Variants in RIOK2 observed in about 807,000 individuals in gnomAD.
The protein encoded by RIOK2 is serine/threonine-protein kinase RIO2.
RIOK2 carries 46 observed loss-of-function variants against 62.4 expected under a neutral mutation model. The observed-to-expected ratio is 0.74, with a 90% CI of 0.58 to 0.94. RIOK2 has a LOEUF of 0.94. Ranked by LOEUF, RIOK2 falls within the 40% of genes least tolerant of loss-of-function variation. RIOK2 has a pLI of 0.00. For synonymous variants in RIOK2, 197 were observed against 216.0 expected, an observed-to-expected ratio of 0.91 and a Z score of 0.77; for missense variants, 574 against 658.0, an observed-to-expected ratio of 0.87 and a Z score of 1.40.
intron 1 of RIOK2, 51 bp from the exon 2 acceptor site, chr5:97,179,244 T>G (rs900496480): frequency 2.6e-6 from 4 of 1,566,822 alleles, no homozygotes; most frequent in Non-Finnish European, 3.5e-6. Flanking sequence ...AAGCCTTGTC[T>G]ATCAAAACCC....
In RIOK2 at chr5:97,177,383, A is replaced by C. The variant is rs1211442905; in HGVS notation, c.323-92T>G. ...CTTTCTCTAATTTTATTTGTATCAA[A>C]AATGTCATTTTTCCTAATAAAGATT... On this transcript the variant is annotated intron_variant, in intron 3 of 9. Transcript: ENST00000283109. 6.6e-6 allele frequency: 8 copies of C among 1,210,542 alleles called. 1 individual carries two copies. The Admixed American group carries it at 2.2e-4, about 33-fold the overall frequency. 75.0% of individuals were successfully genotyped at this position (1,210,542 alleles called of 1,614,324 possible).
In RIOK2 at chr5:97,163,092, C is replaced by T. The variant is rs371897843; in HGVS notation, c.1628G>A (p.Ser543Asn). 11 of 1,612,816 alleles carry T rather than the reference C, an allele frequency of 6.8e-6. No individual in the cohort carries two copies. Among genetic ancestry groups the T allele is most frequent in the Non-Finnish European group, 9.3e-6 (11 of 1,179,546 alleles). ...RRENMQNIKSSLEAASFWGE is the reference protein window; with the variant it reads ...RRENMQNIKSNLEAASFWGE ...TCCCCAAAAGCTGGCTGCTTCCAAA[C>T]TTGATTTGATATTTTGCATGTTTTC... Residue 543 changes from serine to asparagine, a missense_variant, in exon 10 of 10, where the codon AGT (serine) becomes AAT (asparagine). Transcript: ENST00000283109.
Position 97,165,033 on chromosome 5 carries a change from T to C in RIOK2, c.1494+18A>G, listed in dbSNP as rs907769954. The C allele has an allele frequency of 1.3e-6, 2 of 1,511,598 alleles. No individual in the cohort carries two copies. Among genetic ancestry groups the C allele is most frequent in the African/African-American group, 1.4e-5 (1 of 72,482 alleles). The allele number at this position is 1,511,598 out of a possible 1,614,324, so 93.6% of individuals were successfully genotyped here. On this transcript the variant is annotated intron_variant, in intron 9 of 9. Transcript: ENST00000283109. ...AGTGATGTAATAAACATTCAGTACA[T>C]GTTGAATGACTACTTACTGGAGGAA...
chr5:97,183,241 G>GTT lies in RIOK2; in HGVS notation c.-51_-50insAA. On this transcript the variant is annotated 5_prime_UTR_variant, in exon 1 of 10. Coordinates refer to ENST00000283109, the MANE Select transcript of RIOK2 (RefSeq NM_018343.3). ...GCCTCTCCGACGACAGCCGCAAAGC[G>GTT]TAAGGCAGGTCGTTATTCCAGCCTC... The GTT allele has an allele frequency of 6.3e-7, 1 of 1,590,734 alleles. No homozygotes were observed. Among genetic ancestry groups the GTT allele is most frequent in the South Asian group, 1.1e-5 (1 of 90,732 alleles).
In RIOK2 at chr5:97,167,887, A is replaced by G. The variant is rs759975930; in HGVS notation, c.977T>C (p.Ile326Thr). Residue 326 changes from isoleucine (I) to threonine (T), a missense_variant, in exon 8 of 10, where the codon ATT becomes ACT. Coordinates refer to ENST00000283109, the MANE Select transcript of RIOK2 (RefSeq NM_018343.3). ...LHPLGPDDKN[I>T]ETKEGSEFSF... ...GAATTCAGATCCCTCTTTTGTTTCA[A>G]TATTTTTATCATCTGGACCTAATGG... The G allele has an allele frequency of 8.1e-6, 13 of 1,613,352 alleles. No individual in the cohort carries two copies. The highest frequency in any genetic ancestry group is 1.6e-4 in the Middle Eastern group (1 of 6,062).
intron 1 of RIOK2, among the ~76,000 whole-genome samples, chr5:97,179,966 TA>T (rs1749293902): frequency 2.3e-5 from 1 of 42,710 alleles, no homozygotes; most frequent in East Asian, 6.5e-4. Context: ...AAGTATTTTA[TA>T]TATATATATA....
At chr5:97,178,991 G>A (rs1749258684) in intron 2 of RIOK2, 64 bp downstream of exon 2, 1 of 1,593,090 alleles carries the variant, frequency 6.3e-7, no homozygotes, top group Non-Finnish European at 8.6e-7. Flanking sequence ...TTGACTTTTG[G>A]AACACTTGCT....
chr5:97,177,102 AATAAAATAAATACCTTC>A lies in RIOK2; in HGVS notation c.495_498+13del. On this transcript the variant is annotated splice_donor_variant and splice_donor_5th_base_variant and coding_sequence_variant and intron_variant, in exon 4 of 10. Transcript: ENST00000283109. LOFTEE classifies it high-confidence loss of function. ...TTGGCTAAAAAATGCATGACTACAAAATAAAATAAATACCTTCATATAGGCAAATTCCTTCATGGCAG... is the reference window on the plus strand; with the variant it reads ...TTGGCTAAAAAATGCATGACTACAAAATATAGGCAAATTCCTTCATGGCAG... The A allele has an allele frequency of 1.9e-6, 3 of 1,602,834 alleles. No individual in the cohort carries two copies. In the African/African-American group the frequency reaches 4.0e-5, roughly 21 times the overall value.
chr5:97,175,050 C>T (rs965414005), intron 4 of RIOK2, among the ~76,000 whole-genome samples: 3 of 147,464 alleles, frequency 2.0e-5, no homozygotes, highest in South Asian at 2.2e-4. Flanking sequence ...AGAGTGAGAC[C>T]TTGTCTTGAA....
Position 97,167,654 on chromosome 5 carries a change from T to C in RIOK2, c.1210A>G (p.Lys404Glu), listed in dbSNP as rs377377999. The change falls in exon 8 of 10, where the codon AAA (lysine) becomes GAA (glutamate). Residue 404 changes from lysine (K) to glutamate (E), a missense_variant. By Grantham distance (56) the Lys-to-Glu change is moderately conservative. Coordinates refer to ENST00000283109, the MANE Select transcript of RIOK2 (RefSeq NM_018343.3). The stretch of plus-strand genomic sequence containing the variant: ...GAGTTGTTTTCAACAACCTGCCCTT[T>C]TATTTCTTCTAAAGCTTGATTGAAT... The part of the protein sequence containing the change: ...TEFNQALEEI[K>E]GQVVENNSVT... The C allele has an allele frequency of 6.2e-7, 1 of 1,614,114 alleles. No homozygotes were observed. The highest frequency in any genetic ancestry group is 8.5e-7 in the Non-Finnish European group (1 of 1,180,022).
intron 7 of RIOK2, among the ~76,000 whole-genome samples, chr5:97,168,336 TAA>T (rs1474165239): frequency 3.9e-5 from 6 of 152,184 alleles, no homozygotes; most frequent in Admixed American, 3.3e-4. Flanking sequence ...GAAAATATCT[TAA>T]GTGTATAAAA....
intron 9 of RIOK2, among the ~76,000 whole-genome samples, chr5:97,164,699 CATTA>C (rs1394699462): frequency 6.6e-6 from 1 of 152,096 alleles, no homozygotes; most frequent in Non-Finnish European, 1.5e-5. Flanking sequence ...AAGTGACCTA[CATTA>C]ATTTTTTGAA....
At chr5:97,182,566 G>A (rs1259669849) in intron 1 of RIOK2, among the ~76,000 whole-genome samples, 1 of 152,068 alleles carries the variant, frequency 6.6e-6, no homozygotes, top group Non-Finnish European at 1.5e-5. Flanking sequence ...TACTTTCTAT[G>A]CCATTATCCT....
chr5:97,175,390 C>A (rs1482728860), intron 4 of RIOK2, among the ~76,000 whole-genome samples: 1 of 152,180 alleles, frequency 6.6e-6, no homozygotes, highest in Admixed American at 6.5e-5. Flanking sequence ...TCGCCTAGAC[C>A]TCATGCTATA....
chr5:97,167,613 A>C lies in RIOK2; in HGVS notation c.1251T>G (p.Ser417=), dbSNP rs770735836. ...AATTTTCAGTTCTGTTTTTCTCCTC[A>C]GAAAATTCAGTTACAGAGTTGTTTT... The part of the protein sequence containing the change: ...VVENNSVTEF[S]EEKNRTENYN... Residue 417 remains serine (S), a synonymous_variant, in exon 8 of 10, where the codon TCT becomes TCG. Transcript: ENST00000283109. 1 of 1,614,212 alleles carries C rather than the reference A, an allele frequency of 6.2e-7. No individual in the cohort carries two copies. The highest frequency in any genetic ancestry group is 1.1e-5 in the South Asian group (1 of 91,088).
intron 8 of RIOK2, 30 bp from the exon 9 acceptor site, chr5:97,165,177 G>T: frequency 1.7e-6 from 2 of 1,166,980 alleles, no homozygotes; most frequent in Non-Finnish European, 1.2e-6. Flanking sequence ...AATTTATCTA[G>T]TTAATTTGTA....
At chr5:97,180,142 G>GTA (rs372779229) in intron 1 of RIOK2, among the ~76,000 whole-genome samples, 3,553 of 96,042 alleles carry the variant, frequency 0.037, 190 homozygotes, top group African/African-American at 0.082. Flanking sequence ...ATATATATAT[G>GTA]TATATATATA....
intron 1 of RIOK2, 126 bp downstream of exon 1, chr5:97,183,000 A>C: frequency 9.8e-7 from 1 of 1,018,010 alleles, no homozygotes; most frequent in Non-Finnish European, 1.6e-6. Flanking sequence ...TCTCTTCTCC[A>C]TTCCCAGCTT....
chr5:97,173,785 G>A (rs997801053), intron 4 of RIOK2, among the ~76,000 whole-genome samples: 53 of 152,252 alleles, frequency 3.5e-4, no homozygotes, highest in African/African-American at 1.3e-3. Flanking sequence ...GCCACAATAT[G>A]CAATATAAAT....
Sources: allele counts gnomAD v4.1 joint callset (sites outside exome capture counted in the v4.1 genomes callset), GRCh38; gene constraint gnomAD v4.1.1; transcripts MANE v1.5; gene names NCBI Gene and HGNC (gene_info 2026-07-23, HGNC 2026-07-21).